PCP4: variants seen among roughly 807,000 people sequenced by gnomAD.
PCP4 encodes the protein calmodulin regulator protein PCP4.
A neutral mutation model predicts 10.0 loss-of-function variants in PCP4; 8 were observed. The observed-to-expected ratio is 0.80, with a 90% CI of 0.47 to 1.45. The LOEUF is 1.45. PCP4 is among the 40% of genes most tolerant of loss of function. PCP4 has a pLI of 0.00. For missense variants in PCP4, 54 were observed against 74.4 expected, an observed-to-expected ratio of 0.73 and a Z score of 1.01; for synonymous variants, 21 against 23.0, an observed-to-expected ratio of 0.91 and a Z score of 0.24.
chr21:39,872,152 C>T (rs2087323554), intron 1 of PCP4, among the ~76,000 whole-genome samples: 1 of 152,132 alleles, frequency 6.6e-6, no homozygotes, highest in Admixed American at 6.5e-5. Flanking sequence ...GCTCCTACCA[C>T]CACGCCCAGC....
intron 2 of PCP4, among the ~76,000 whole-genome samples, chr21:39,900,647 A>G (rs1568856481): frequency 6.6e-6 from 1 of 151,970 alleles, no homozygotes; most frequent in Non-Finnish European, 1.5e-5. Flanking sequence ...GGCAATCTAC[A>G]TTCATTCCAA....
chr21:39,904,498 C>T (rs894690103), intron 2 of PCP4, among the ~76,000 whole-genome samples: 16 of 152,230 alleles, frequency 1.1e-4, no homozygotes, highest in Non-Finnish European at 2.2e-4. Context: ...TGATCACTAT[C>T]ATGCCCGAGA....
intron 2 of PCP4, among the ~76,000 whole-genome samples, chr21:39,917,546 A>G (rs146681590): frequency 2.6e-5 from 4 of 152,304 alleles, no homozygotes; most frequent in African/African-American, 9.6e-5. Flanking sequence ...GCACCTCTGC[A>G]TTGGGATGGC....
rs150609808 is a variant in PCP4, at chr21:39,913,813, G to A, written c.62-15171G>A. 2.0e-3 allele frequency among the ~76,000 whole-genome samples: 309 copies of A among 152,270 alleles called. 1 individual carries two copies. The highest frequency in any genetic ancestry group is 7.1e-3 in the African/African-American group (293 of 41,544). On this transcript the variant is annotated intron_variant, in intron 2 of 2. Transcript: ENST00000328619. The stretch of plus-strand genomic sequence containing the variant: ...GTGAAATTCCATACAAAACAGACCC[G>A]TCTACCGAATAGTCTTGTGCATTTA...
At chr21:39,871,061 G>A (rs560426098) in intron 1 of PCP4, among the ~76,000 whole-genome samples, 3 of 152,280 alleles carry the variant, frequency 2.0e-5, no homozygotes, top group Admixed American at 1.3e-4. Context: ...ACGTTAAAAC[G>A]TACAATAATC....
intron 1 of PCP4, among the ~76,000 whole-genome samples, chr21:39,895,997 C>G (rs1344790464): frequency 6.6e-6 from 1 of 152,142 alleles, no homozygotes; most frequent in East Asian, 1.9e-4. Flanking sequence ...TGTGAGACAC[C>G]TTCACCTACG....
chr21:39,912,293 A>T (rs2087543960), intron 2 of PCP4, among the ~76,000 whole-genome samples: 1 of 148,040 alleles, frequency 6.8e-6, no homozygotes, highest in South Asian at 2.2e-4. Flanking sequence ...ATGATATTTC[A>T]TTGTTGGTCT....
At chr21:39,913,732 G>T (rs2087552710) in intron 2 of PCP4, among the ~76,000 whole-genome samples, 1 of 152,146 alleles carries the variant, frequency 6.6e-6, no homozygotes, top group Non-Finnish European at 1.5e-5. Flanking sequence ...GGAGGGACTT[G>T]ACCCTGGCTT....
At chr21:39,917,746 G>A (rs1315144402) in intron 2 of PCP4, among the ~76,000 whole-genome samples, 6 of 152,078 alleles carry the variant, frequency 3.9e-5, no homozygotes, top group Non-Finnish European at 8.8e-5. Context: ...TGAAAATGTA[G>A]GCATTTGGCT....
intron 2 of PCP4, among the ~76,000 whole-genome samples, chr21:39,928,519 G>A (rs1424041174): frequency 6.6e-6 from 1 of 152,168 alleles, no homozygotes; most frequent in Non-Finnish European, 1.5e-5. Flanking sequence ...AGCCCTGATT[G>A]CAATAAGCAA....
chr21:39,905,898 A>G (rs1445195725), intron 2 of PCP4, among the ~76,000 whole-genome samples: 2 of 152,184 alleles, frequency 1.3e-5, no homozygotes, highest in African/African-American at 4.8e-5. Context: ...AATACAAAAA[A>G]TTAGCCGGGG....
chr21:39,919,967 TTGGTGTGTGTG>T (rs1331025318), intron 2 of PCP4, among the ~76,000 whole-genome samples: 1 of 149,878 alleles, frequency 6.7e-6, no homozygotes, highest in African/African-American at 2.5e-5. Flanking sequence ...GAGGTGTGTG[TTGGTGTGTGTG>T]TGGTGTGTGT....
At chr21:39,869,315 G>A (rs372595425) in intron 1 of PCP4, among the ~76,000 whole-genome samples, 13 of 152,174 alleles carry the variant, frequency 8.5e-5, no homozygotes, top group East Asian at 3.9e-4. Flanking sequence ...GGGAGAAAGC[G>A]CGTGTTCCAG....
chr21:39,893,955 G>A (rs1472695794), intron 1 of PCP4, among the ~76,000 whole-genome samples: 1 of 152,204 alleles, frequency 6.6e-6, no homozygotes, highest in Non-Finnish European at 1.5e-5. Flanking sequence ...GCGGTTGAAG[G>A]AGGAAGGGGC....
chr21:39,919,053 C>CT (rs760118747), intron 2 of PCP4, among the ~76,000 whole-genome samples: 107 of 152,318 alleles, frequency 7.0e-4, no homozygotes, highest in Admixed American at 1.1e-3. Flanking sequence ...GCCTTATTCT[C>CT]TGAGTATATC....
intron 1 of PCP4, among the ~76,000 whole-genome samples, chr21:39,871,107 C>T (rs1312616832): frequency 6.6e-6 from 1 of 152,176 alleles, no homozygotes; most frequent in Admixed American, 6.5e-5. Flanking sequence ...TGGCATTTTT[C>T]TTGACAGAGA....
chr21:39,925,948 G>A (rs2037920), intron 2 of PCP4: 205,353 of 431,768 alleles, frequency 0.48, 49,968 homozygotes, highest in Admixed American at 0.54. Context: ...CTGAATCTGG[G>A]GTATTTAGAA....
intron 1 of PCP4, among the ~76,000 whole-genome samples, chr21:39,878,174 C>G (rs779544221): frequency 7.2e-5 from 11 of 152,174 alleles, no homozygotes; most frequent in Admixed American, 7.2e-4. Context: ...CGCAGAGCTA[C>G]AGGCCTATTC....
chr21:39,905,466 T>G (rs1438919371), intron 2 of PCP4, among the ~76,000 whole-genome samples: 2 of 152,158 alleles, frequency 1.3e-5, no homozygotes, highest in Non-Finnish European at 2.9e-5. Context: ...ACAAACCCAG[T>G]CAATGGGTGA....
Sources: gnomAD v4.1 joint callset for allele counts (sites outside exome capture counted in the v4.1 genomes callset) on GRCh38, gnomAD v4.1.1 for gene constraint, MANE v1.5 for transcripts, NCBI Gene and HGNC (gene_info 2026-07-23, HGNC 2026-07-21) for gene names.